TNNI3K: variants seen among roughly 807,000 people sequenced by gnomAD.
TNNI3K encodes the protein serine/threonine-protein kinase TNNI3K.
TNNI3K carries 140 observed loss-of-function variants against 114.5 expected under a neutral mutation model. The observed-to-expected ratio is 1.22, with a 90% CI of 1.07 to 1.41. TNNI3K has a LOEUF of 1.41. TNNI3K is among the 40% of genes most tolerant of loss of function. The pLI is 0.00. For synonymous variants in TNNI3K, 347 were observed against 347.5 expected (o/e 1.00, Z 0.02); for missense variants, 1,125 against 1,007.6 (o/e 1.12, Z -1.58).
intron 11 of TNNI3K, among the ~76,000 whole-genome samples, chr1:74,361,491 G>C (rs138111164): frequency 1.3e-5 from 2 of 151,904 alleles, no homozygotes; most frequent in Admixed American, 6.6e-5. Context: ...CTCATACCTA[G>C]TATCATTCAT....
intron 21 of TNNI3K, chr1:74,469,624 C>T (rs1424711532): frequency 9.9e-6 from 3 of 301,710 alleles, no homozygotes; most frequent in South Asian, 3.2e-4. Flanking sequence ...CTTGGCAAAA[C>T]TTTTCTTACT....
At chr1:74,283,318 T>A (rs1419826521) in intron 5 of TNNI3K, among the ~76,000 whole-genome samples, 10 of 152,136 alleles carry the variant, frequency 6.6e-5, no homozygotes, top group Admixed American at 6.5e-4. Context: ...TCTGCAGGCT[T>A]TTGGTCTGGA....
Position 74,336,107 on chromosome 1 carries a change from A to C in TNNI3K, c.640A>C (p.Asn214His). ...LHLASAKGFL[N>H]IAKLLMEEGS... is the part of the protein sequence containing the mutation. ...CCTAGCATCTGCAAAAGGATTCTTGAATATTGCAAAACTCTTGATGGAAGA... is the reference window on the plus strand; with the variant it reads ...CCTAGCATCTGCAAAAGGATTCTTGCATATTGCAAAACTCTTGATGGAAGA... Residue 214 changes from asparagine to histidine, a missense_variant, in exon 7 of 25, where the codon AAT becomes CAT. Asn to His is a moderately conservative substitution (Grantham distance 68, BLOSUM62 1). Transcript: ENST00000326637. The C allele has an allele frequency of 6.2e-7, 1 of 1,604,732 alleles. No homozygotes were observed. Among genetic ancestry groups the C allele is most frequent in the South Asian group, 1.1e-5 (1 of 88,994 alleles).
chr1:74,331,696 A>ATG, intron 6 of TNNI3K, 148 bp downstream of exon 6: 1 of 615,894 alleles, frequency 1.6e-6, no homozygotes, highest in Non-Finnish European at 2.6e-6. Flanking sequence ...AGGAGCTTGT[A>ATG]GATCCATATA....
intron 20 of TNNI3K, among the ~76,000 whole-genome samples, chr1:74,457,983 A>C (rs1362242697): frequency 6.6e-6 from 1 of 152,194 alleles, no homozygotes; most frequent in East Asian, 1.9e-4. Flanking sequence ...CTGGTGTTCT[A>C]AACAAAACAG....
intron 5 of TNNI3K, among the ~76,000 whole-genome samples, chr1:74,308,360 C>T (rs1183420564): frequency 1.3e-5 from 2 of 152,060 alleles, no homozygotes; most frequent in Non-Finnish European, 2.9e-5. Flanking sequence ...CCAAGGAAAA[C>T]TCTGAAAACT....
rs1037079770 is a variant in TNNI3K, at chr1:74,362,412, G to A, written c.1178-4844G>A. On this transcript the variant is annotated intron_variant, in intron 11 of 24. Transcript: ENST00000326637. ...AAATCTCCATGTTCTCTATACAGCC[G>A]TGAACCCAAAGGGTCTCTGAGTCAC... Among the ~76,000 whole-genome samples, 31 of 152,200 alleles carry A rather than the reference G, an allele frequency of 2.0e-4. 1 individual carries two copies. The highest frequency in any genetic ancestry group is 9.8e-4 in the Admixed American group (15 of 15,264).
chr1:74,276,647 T>C (rs1656705162), intron 5 of TNNI3K, among the ~76,000 whole-genome samples: 1 of 152,134 alleles, frequency 6.6e-6, no homozygotes, highest in African/African-American at 2.4e-5. Context: ...GTTTCATTAC[T>C]AGTCACTATC....
chr1:74,519,805 A>T (rs997859122), intron 23 of TNNI3K, among the ~76,000 whole-genome samples: 4 of 152,168 alleles, frequency 2.6e-5, no homozygotes, highest in Non-Finnish European at 5.9e-5. Flanking sequence ...TAAGTTTATA[A>T]TGTGTGTCAT....
intron 17 of TNNI3K, among the ~76,000 whole-genome samples, chr1:74,416,094 G>A (rs1209539514): frequency 2.6e-5 from 4 of 152,130 alleles, no homozygotes; most frequent in African/African-American, 4.8e-5. Context: ...GGTGCTGTAC[G>A]TGGGAGTCAC....
At chr1:74,256,283 C>CTTTTTTTTTT (rs61636791) in intron 4 of TNNI3K, among the ~76,000 whole-genome samples, 19 of 42,804 alleles carry the variant, frequency 4.4e-4, no homozygotes, top group Non-Finnish European at 6.5e-4. Flanking sequence ...TGTGGTCAGT[C>CTTTTTTTTTT]TTTTTTTTTT....
At chr1:74,506,896 A>G (rs1045056153) in intron 23 of TNNI3K, among the ~76,000 whole-genome samples, 2 of 152,106 alleles carry the variant, frequency 1.3e-5, no homozygotes, top group Admixed American at 1.3e-4. Context: ...GAAAAGATTT[A>G]TCTATCTTAA....
intron 11 of TNNI3K, among the ~76,000 whole-genome samples, chr1:74,358,602 C>A (rs1335228420): frequency 3.3e-5 from 5 of 151,902 alleles, no homozygotes. Context: ...AACTCTCAGG[C>A]TTTTTCTATA....
chr1:74,488,769 T>G (rs1206497646), intron 21 of TNNI3K, among the ~76,000 whole-genome samples: 3 of 152,322 alleles, frequency 2.0e-5, no homozygotes, highest in Admixed American at 1.3e-4. Flanking sequence ...GAGATGATCT[T>G]TTCAAAAGTG....
At chr1:74,307,786 A>C (rs1409813301) in intron 5 of TNNI3K, among the ~76,000 whole-genome samples, 2 of 152,102 alleles carry the variant, frequency 1.3e-5, no homozygotes, top group Non-Finnish European at 2.9e-5. Flanking sequence ...AACATGGTGA[A>C]ACCCAGTCTC....
chr1:74,407,306 C>A (rs928989945), intron 17 of TNNI3K, among the ~76,000 whole-genome samples: 2 of 152,032 alleles, frequency 1.3e-5, no homozygotes, highest in African/African-American at 2.4e-5. Flanking sequence ...TGTATAAAAT[C>A]TTTTATCTTG....
chr1:74,476,833 A>G (rs2100236748), intron 21 of TNNI3K, among the ~76,000 whole-genome samples: 1 of 152,234 alleles, frequency 6.6e-6, no homozygotes, highest in East Asian at 1.9e-4. Context: ...ATGAAAACAT[A>G]TTTTTAAAAC....
chr1:74,517,221 A>C (rs12082269), intron 23 of TNNI3K, among the ~76,000 whole-genome samples: 14,511 of 152,250 alleles, frequency 0.095, 1,582 homozygotes, highest in African/African-American at 0.27. Flanking sequence ...ACATTAATCC[A>C]ATTTTACAGA....
At chr1:74,536,913 C>T (rs762972802) in intron 23 of TNNI3K, among the ~76,000 whole-genome samples, 2 of 152,086 alleles carry the variant, frequency 1.3e-5, no homozygotes, top group Non-Finnish European at 2.9e-5. Flanking sequence ...CTTCTAAATC[C>T]GGGCATCTGT....
Sources: allele counts gnomAD v4.1 joint callset (sites outside exome capture counted in the v4.1 genomes callset), GRCh38; gene constraint gnomAD v4.1.1; transcripts MANE v1.5; gene names NCBI Gene and HGNC (gene_info 2026-07-23, HGNC 2026-07-21).